The following MEI4 variants were observed in gnomAD, a reference collection of about 807,000 sequenced individuals.
MEI4 encodes meiosis-specific protein MEI4.
A neutral mutation model predicts 31.4 loss-of-function variants in MEI4; 27 were observed. The ratio of observed to expected loss-of-function variants is 0.86; its 90% CI spans 0.63 to 1.19. The LOEUF (loss-of-function observed/expected upper bound fraction) is 1.19, where lower values mean the gene tolerates loss of function less well. MEI4 is among the 50% of genes most tolerant of loss of function. The probability of loss-of-function intolerance (pLI) is 0.00; values close to 1 mark genes in which losing one functional copy is unlikely to be tolerated. For missense variants in MEI4, 329 were observed against 398.9 expected (o/e 0.82, Z 1.49); for synonymous variants, 122 against 145.4 (o/e 0.84, Z 1.16).
At chr6:77,737,786 G>A (rs1390953454) in intron 2 of MEI4, among the ~76,000 whole-genome samples, 2 of 152,188 alleles carry the variant, frequency 1.3e-5, no homozygotes, top group African/African-American at 4.8e-5. Context: ...AATGTATATG[G>A]AGGTCAAGGA....
intron 4 of MEI4, among the ~76,000 whole-genome samples, chr6:77,910,752 A>G (rs1189686976): frequency 6.6e-6 from 1 of 152,108 alleles, no homozygotes; most frequent in African/African-American, 2.4e-5. Context: ...TCCTTTTGAG[A>G]TACTGATTTA....
intron 4 of MEI4, among the ~76,000 whole-genome samples, chr6:77,863,411 A>C (rs1276187568): frequency 2.6e-5 from 4 of 152,128 alleles, no homozygotes; most frequent in Non-Finnish European, 5.9e-5. Context: ...GCTGAAAACC[A>C]AGGCACGGGA....
At chr6:77,823,526 C>T (rs1057054373) in intron 3 of MEI4, among the ~76,000 whole-genome samples, 3 of 152,048 alleles carry the variant, frequency 2.0e-5, no homozygotes, top group African/African-American at 7.2e-5. Flanking sequence ...GCCAGATATA[C>T]GTTAATAGCT....
intron 2 of MEI4, among the ~76,000 whole-genome samples, chr6:77,702,034 G>T (rs1034001216): frequency 2.4e-4 from 37 of 152,118 alleles, no homozygotes; most frequent in Admixed American, 1.9e-3. Context: ...TGCCTCCCCA[G>T]TTCTTGCTTT....
At chr6:77,739,264 G>T (rs1460019337) in intron 2 of MEI4, among the ~76,000 whole-genome samples, 1 of 152,002 alleles carries the variant, frequency 6.6e-6, no homozygotes, top group Non-Finnish European at 1.5e-5. Flanking sequence ...TTTGTGTTAG[G>T]TTTAAGGAAG....
In MEI4 at chr6:77,743,547, T is replaced by C. The variant is rs189084858; in HGVS notation, c.233-17583T>C. On this transcript the variant is annotated intron_variant, in intron 2 of 4. Transcript: ENST00000684080. ...CTGAGATGACGGGGTTTTCTAGATA[T>C]ACAGTCATGTCATCTGCAAACAGGG... 9.8e-3 allele frequency among the ~76,000 whole-genome samples: 1,494 copies of C among 152,274 alleles called. 13 individuals carry two copies. The highest frequency in any genetic ancestry group is 0.037 in the Middle Eastern group (11 of 294).
At chr6:77,803,937 G>T (rs1446788480) in intron 3 of MEI4, among the ~76,000 whole-genome samples, 3 of 152,172 alleles carry the variant, frequency 2.0e-5, no homozygotes, top group Admixed American at 2.0e-4. Context: ...ACTTGAGGAG[G>T]CCGTCTGTCC....
Position 77,923,117 on chromosome 6 carries a change from A to T in MEI4, c.929A>T (p.Tyr310Phe). 1 of 1,230,316 alleles carries T rather than the reference A, an allele frequency of 8.1e-7. No individual in the cohort carries two copies. Among genetic ancestry groups the T allele is most frequent in the Non-Finnish European group, 1.0e-6 (1 of 986,622 alleles). 76.2% of individuals were successfully genotyped at this position (1,230,316 alleles called of 1,614,324 possible). The change falls in exon 5 of 5, where the codon TAT becomes TTT. Residue 310 changes from tyrosine (Y) to phenylalanine (F), a missense_variant. Physicochemically the swap from Tyr to Phe is conservative, Grantham distance 22. Transcript: ENST00000684080. ...CAAGCCAGTTATGATGTGTCACGCTATGAAAACATTTTCTACCTGTTCTGG... is the reference window on the plus strand; with the variant it reads ...CAAGCCAGTTATGATGTGTCACGCTTTGAAAACATTTTCTACCTGTTCTGG... ...QEQASYDVSR[Y>F]ENIFYLFWVL...
chr6:77,823,175 T>TTAAAATAA (rs1486034433), intron 3 of MEI4, among the ~76,000 whole-genome samples: 30 of 152,280 alleles, frequency 2.0e-4, no homozygotes, highest in Admixed American at 1.9e-3. Context: ...AAAACAACAT[T>TTAAAATAA]TTATGTAATT....
chr6:77,742,176 G>C (rs1325014409), intron 2 of MEI4, among the ~76,000 whole-genome samples: 2 of 151,950 alleles, frequency 1.3e-5, no homozygotes, highest in Non-Finnish European at 2.9e-5. Context: ...TCTAGTTCTA[G>C]ATCCCTGAGG....
chr6:77,861,716 A>G (rs906094769), intron 4 of MEI4, among the ~76,000 whole-genome samples: 8 of 152,208 alleles, frequency 5.3e-5, no homozygotes, highest in African/African-American at 1.9e-4. Flanking sequence ...GAGTACTTGG[A>G]TGAACTTAAG....
intron 3 of MEI4, among the ~76,000 whole-genome samples, chr6:77,771,142 T>C (rs922206400): frequency 1.3e-5 from 2 of 152,034 alleles, no homozygotes; most frequent in Admixed American, 1.3e-4. Context: ...GAATCGACAC[T>C]TTTCAAAAGA....
rs2127744045 is a variant in MEI4, at chr6:77,923,928, T to C, written c.*582T>C. ...CAATTTCATATGGCTAATACATTTGTCGAGCTCTTTTGAAAATACTATTAA... is the reference window on the plus strand; with the variant it reads ...CAATTTCATATGGCTAATACATTTGCCGAGCTCTTTTGAAAATACTATTAA... On this transcript the variant is annotated 3_prime_UTR_variant, in exon 5 of 5. Coordinates refer to ENST00000684080, the MANE Select transcript of MEI4 (RefSeq NM_001322247.2). 7.3e-6 allele frequency: 1 copy of C among 137,688 alleles called. No homozygotes were observed. The highest frequency in any genetic ancestry group is 2.7e-5 in the African/African-American group (1 of 36,630). The allele number at this position is 137,688 out of a possible 1,614,324, so 8.5% of individuals were successfully genotyped here.
At position 77,661,396 on chromosome 6, in the gene MEI4, G is replaced by A. The variant is rs567150473; in HGVS notation, c.-15+8304G>A. Reference sequence around the variant, plus strand: ...CTGACAGAAGGGAAGAAACGACCGCGGTGGCCTTCTCAGACCCTGTGGGGA... The same window carrying A: ...CTGACAGAAGGGAAGAAACGACCGCAGTGGCCTTCTCAGACCCTGTGGGGA... On this transcript the variant is annotated intron_variant, in intron 1 of 4. Transcript: ENST00000684080. 2.6e-5 allele frequency among the ~76,000 whole-genome samples: 4 copies of A among 152,234 alleles called. No individual in the cohort carries two copies. The South Asian group carries it at 6.2e-4, about 24-fold the overall frequency.
intron 3 of MEI4, among the ~76,000 whole-genome samples, chr6:77,816,191 T>C (rs1769685879): frequency 6.6e-6 from 1 of 152,140 alleles, no homozygotes. Flanking sequence ...CTATGATATG[T>C]TTGTATTCTA....
chr6:77,916,631 C>G (rs185271071), intron 4 of MEI4, among the ~76,000 whole-genome samples: 1 of 152,082 alleles, frequency 6.6e-6, no homozygotes, highest in Non-Finnish European at 1.5e-5. Flanking sequence ...ATGTTTATAG[C>G]ATCTTAACCA....
chr6:77,652,713 G>C (rs1198490387), upstream of MEI4, among the ~76,000 whole-genome samples: 1 of 152,114 alleles, frequency 6.6e-6, no homozygotes, highest in Admixed American at 6.5e-5. Flanking sequence ...CTAGAATCCA[G>C]CTGGCTTATC....
chr6:77,699,922 C>T (rs777725936), intron 2 of MEI4, among the ~76,000 whole-genome samples: 2 of 151,374 alleles, frequency 1.3e-5, no homozygotes, highest in Non-Finnish European at 2.9e-5. Context: ...ATTTTGGTGA[C>T]CCGCAAATGC....
intron 3 of MEI4, among the ~76,000 whole-genome samples, chr6:77,779,641 G>C (rs1768543182): frequency 6.6e-6 from 1 of 152,080 alleles, no homozygotes; most frequent in South Asian, 2.1e-4. Context: ...AATGTGTTAT[G>C]CCATTTTACC....
Sources: allele counts gnomAD v4.1 joint callset (sites outside exome capture counted in the v4.1 genomes callset), GRCh38; gene constraint gnomAD v4.1.1; transcripts MANE v1.5; gene names NCBI Gene and HGNC (gene_info 2026-07-23, HGNC 2026-07-21).